Variants in SARDH observed in about 807,000 individuals in gnomAD.
The protein encoded by SARDH is sarcosine dehydrogenase.
Under a neutral mutation model 109.1 loss-of-function variants are expected in SARDH, and 95 were observed. The ratio of observed to expected loss-of-function variants is 0.87; its 90% CI spans 0.74 to 1.03. SARDH has a LOEUF of 1.03. SARDH is among the 50% of genes least tolerant of loss of function. SARDH has a pLI of 0.00. For missense variants in SARDH, 1,267 were observed against 1,287.8 expected, an observed-to-expected ratio of 0.98 and a Z score of 0.25; for synonymous variants, 572 against 534.8, an observed-to-expected ratio of 1.07 and a Z score of -0.96.
At chr9:133,705,086 A>G in intron 11 of SARDH, 55 bp from the exon 12 acceptor site, 1 of 1,501,400 alleles carries the variant, frequency 6.7e-7, no homozygotes, top group Non-Finnish European at 9.1e-7. Context: ...ACCCCTGCGC[A>G]GGGCAGAGAG....
At chr9:133,680,215 T>C (rs768344273) in intron 17 of SARDH, among the ~76,000 whole-genome samples, 17 of 152,218 alleles carry the variant, frequency 1.1e-4, no homozygotes, top group Non-Finnish European at 1.9e-4. Context: ...GTGGGGACAC[T>C]GAGGCCCAGA....
rs1832576795 is a variant in SARDH at position 133,728,825 on chromosome 9, C to T, written c.915+940G>A. 7.0e-6 allele frequency among the ~76,000 whole-genome samples: 1 copy of T among 143,048 alleles called. No individual in the cohort carries two copies. Among genetic ancestry groups the T allele is most frequent in the South Asian group, 2.3e-4 (1 of 4,388 alleles). The allele number at this position is 143,048 out of a possible 152,430, so 93.8% of individuals were successfully genotyped here. On this transcript the variant is annotated intron_variant, in intron 6 of 20. Transcript: ENST00000439388. This position sits in a 1 kb window ranked among gnomAD's most constrained non-coding sequence, Gnocchi z 5.0. ...ATGTGGGTGGATGCTGAAGGAAGGG[C>T]AGAGGGAGAGATGAGTGGCTAGAGG...
At chr9:133,737,792 C>T (rs1304436467) in intron 1 of SARDH, among the ~76,000 whole-genome samples, 1 of 152,262 alleles carries the variant, frequency 6.6e-6, no homozygotes, top group Non-Finnish European at 1.5e-5. Context: ...TCCCTGGAAA[C>T]AGCTGCCTCC....
chr9:133,681,439 C>G (rs1378397354), intron 17 of SARDH, among the ~76,000 whole-genome samples: 3 of 152,236 alleles, frequency 2.0e-5, no homozygotes, highest in Admixed American at 2.0e-4. Flanking sequence ...ACCCGTTGGC[C>G]TGGGGTCACC....
chr9:133,725,468 T>G, intron 6 of SARDH: 1 of 394,292 alleles, frequency 2.5e-6, no homozygotes, highest in South Asian at 1.8e-5. Context: ...AGCTCAGGAG[T>G]TCGAGACCAG....
chr9:133,672,304 T>G (rs1281688084), intron 17 of SARDH, among the ~76,000 whole-genome samples: 1 of 152,240 alleles, frequency 6.6e-6, no homozygotes, highest in African/African-American at 2.4e-5. Flanking sequence ...CTGGAGATCC[T>G]GACCTTAATT....
intron 6 of SARDH, among the ~76,000 whole-genome samples, chr9:133,724,600 G>C (rs142446699): frequency 4.6e-5 from 7 of 152,350 alleles, no homozygotes; most frequent in Non-Finnish European, 8.8e-5. Context: ...TTGGAAAATA[G>C]TCCGACAGTT....
chr9:133,726,062 A>C (rs920017395), intron 6 of SARDH, among the ~76,000 whole-genome samples: 3 of 152,100 alleles, frequency 2.0e-5, no homozygotes, highest in African/African-American at 7.2e-5. Flanking sequence ...AGAAGTTCCT[A>C]GTAACTGAGC....
rs936867083 is a variant in SARDH at position 133,695,904 on chromosome 9, G to C, written c.1807+319C>G. On this transcript the variant is annotated intron_variant, in intron 14 of 20. Transcript: ENST00000439388. ...GGCAATCCCACCTGTGAGAGCATGG[G>C]GGGGACTGGGCCCCACAGTCCCAGG... 1.1e-4 allele frequency among the ~76,000 whole-genome samples: 16 copies of C among 152,316 alleles called. No individual in the cohort carries two copies. The East Asian group carries it at 1.5e-3, about 15-fold the overall frequency.
Position 133,666,918 on chromosome 9 carries a change from G to A in SARDH, c.2496-48C>T. On this transcript the variant is annotated intron_variant, in intron 19 of 20. Transcript: ENST00000439388. The surrounding 1 kb of genome is among the most constrained non-coding windows in gnomAD (Gnocchi z 5.2). ...CTGGGGCCCCAGAAACCGCAGGGTGGGGACGCGTCCACAGCGGCCTGGAGG... is the reference window on the plus strand; with the variant it reads ...CTGGGGCCCCAGAAACCGCAGGGTGAGGACGCGTCCACAGCGGCCTGGAGG... 1 of 1,608,264 alleles carries A rather than the reference G, an allele frequency of 6.2e-7. No homozygotes were observed. The highest frequency in any genetic ancestry group is 8.5e-7 in the Non-Finnish European group (1 of 1,177,952).
intron 11 of SARDH, among the ~76,000 whole-genome samples, chr9:133,707,099 AAG>A (rs1044913626): frequency 3.9e-5 from 6 of 152,232 alleles, no homozygotes; most frequent in African/African-American, 7.2e-5. Context: ...AAAAGAAAGA[AAG>A]AGAACAAACT....
chr9:133,691,658 C>T (rs545572966), intron 15 of SARDH, among the ~76,000 whole-genome samples: 8 of 152,180 alleles, frequency 5.3e-5, no homozygotes, highest in Admixed American at 4.6e-4. Context: ...GCTTTGTATG[C>T]CACCTTGATC....
intron 11 of SARDH, 61 bp from the exon 12 acceptor site, chr9:133,705,092 G>C: frequency 1.3e-6 from 2 of 1,484,764 alleles, no homozygotes; most frequent in Non-Finnish European, 1.8e-6. Flanking sequence ...GCGCAGGGCA[G>C]AGAGCCACAT....
intron 11 of SARDH, among the ~76,000 whole-genome samples, chr9:133,706,386 G>A (rs1300859378): frequency 3.9e-5 from 6 of 152,230 alleles, no homozygotes; most frequent in African/African-American, 1.2e-4. Context: ...TCCAGCATAT[G>A]AAGTGACCTG....
intron 19 of SARDH, 146 bp downstream of exon 19, chr9:133,670,438 G>T: frequency 1.2e-6 from 1 of 833,872 alleles, no homozygotes; most frequent in South Asian, 1.8e-5. Context: ...TATCTGCAGT[G>T]GGCTGTTGGG....
chr9:133,700,251 T>A (rs1390051266), intron 13 of SARDH, among the ~76,000 whole-genome samples: 2 of 152,050 alleles, frequency 1.3e-5, no homozygotes, highest in Non-Finnish European at 2.9e-5. Context: ...CGCTTGAACC[T>A]GAGAGGCAGA....
chr9:133,675,998 G>T (rs142592810), intron 17 of SARDH, among the ~76,000 whole-genome samples: 38 of 148,334 alleles, frequency 2.6e-4, no homozygotes, highest in Admixed American at 1.5e-3. Context: ...AAGGCTGAAG[G>T]GGGGAGGATC....
intron 10 of SARDH, among the ~76,000 whole-genome samples, chr9:133,711,508 C>T (rs1016562529): frequency 8.5e-5 from 13 of 152,216 alleles, no homozygotes; most frequent in Non-Finnish European, 1.5e-4. Context: ...CAGGCCCAGA[C>T]GGGCTCTGAG....
At chr9:133,726,425 T>C (rs1222875667) in intron 6 of SARDH, among the ~76,000 whole-genome samples, 1 of 151,348 alleles carries the variant, frequency 6.6e-6, no homozygotes, top group Non-Finnish European at 1.5e-5. Context: ...GTTATATCCT[T>C]ACCTCTGCTA....
Sources: allele counts gnomAD v4.1 joint callset (sites outside exome capture counted in the v4.1 genomes callset), GRCh38; gene constraint gnomAD v4.1.1; non-coding constraint Gnocchi (gnomAD v3.1); transcripts MANE v1.5; gene names NCBI Gene and HGNC (gene_info 2026-07-23, HGNC 2026-07-21).